Variants in RHCE observed in about 807,000 individuals in gnomAD.
The protein encoded by RHCE is Rh blood group CcEe antigens.
A neutral mutation model predicts 43.8 loss-of-function variants in RHCE; 22 were observed. That is an observed-to-expected ratio of 0.50 (90% CI 0.36 to 0.72). The LOEUF (loss-of-function observed/expected upper bound fraction) is 0.72. Ranked by LOEUF, RHCE falls within the 30% of genes least tolerant of loss-of-function variation. RHCE has a pLI of 0.00. For missense variants in RHCE, 385 were observed against 525.4 expected (o/e 0.73, Z 2.61); for synonymous variants, 156 against 210.7 (o/e 0.74, Z 2.25).
At chr1:25,419,125 T>C (rs1339559979) in intron 1 of RHCE, among the ~76,000 whole-genome samples, 1 of 152,184 alleles carries the variant, frequency 6.6e-6, no homozygotes, top group Non-Finnish European at 1.5e-5. Flanking sequence ...TTTCCTCATA[T>C]GAAAAACGAA....
intron 2 of RHCE, 102 bp downstream of exon 2, chr1:25,408,581 T>G (rs1226519254): frequency 4.8e-6 from 4 of 839,982 alleles, no homozygotes; most frequent in African/African-American, 4.5e-5. Context: ...ACAGCACTGG[T>G]GCTAGACAGA....
chr1:25,411,166 C>G (rs1264926542), intron 1 of RHCE, among the ~76,000 whole-genome samples: 2 of 151,652 alleles, frequency 1.3e-5, no homozygotes, highest in South Asian at 4.1e-4. Flanking sequence ...CTGTGGTCTT[C>G]TAAGTTGCTT....
At chr1:25,387,945 T>C (rs1045514924) in intron 6 of RHCE, among the ~76,000 whole-genome samples, 2 of 152,118 alleles carry the variant, frequency 1.3e-5, no homozygotes, top group Non-Finnish European at 2.9e-5. Flanking sequence ...CTCAGCCTCC[T>C]GAGTAGCTAA....
chr1:25,416,799 T>G (rs1345490897), intron 1 of RHCE, among the ~76,000 whole-genome samples: 1 of 129,358 alleles, frequency 7.7e-6, no homozygotes, highest in Non-Finnish European at 1.6e-5. Flanking sequence ...ACAGTTTTTT[T>G]TTTTTTTTTT....
rs1485155187 is a variant in RHCE, at chr1:25,405,957, C to T, written c.335+2726G>A. Among the ~76,000 whole-genome samples, 5 of 122,848 alleles carry T rather than the reference C, an allele frequency of 4.1e-5. 1 individual carries two copies. Among genetic ancestry groups the T allele is most frequent in the Non-Finnish European group, 1.9e-5 (1 of 53,798 alleles). 80.6% of individuals were successfully genotyped at this position (122,848 alleles called of 152,430 possible). On this transcript the variant is annotated intron_variant, in intron 2 of 9. Transcript: ENST00000294413. ...AAGGAGCCAGTTTCAGCAGGGGTCA[C>T]CCCTAGGGGGATCCAAGCAGTCAGG...
chr1:25,412,715 TAAAAAAAAAAAAAAAAA>T (rs1165784820), intron 1 of RHCE, among the ~76,000 whole-genome samples: 1 of 116,578 alleles, frequency 8.6e-6, no homozygotes, highest in Non-Finnish European at 1.7e-5. Flanking sequence ...ACCCTTTTTT[TAAAAAAAAAAAAAAAAA>T]AAAAAAAAAA....
At chr1:25,390,039 C>G (rs1646307141) in intron 5 of RHCE, among the ~76,000 whole-genome samples, 1 of 152,062 alleles carries the variant, frequency 6.6e-6, no homozygotes, top group Admixed American at 6.5e-5. Flanking sequence ...CTCCAGCCCC[C>G]CCAGTGCCTC....
chr1:25,410,753 T>G (rs1440415173), intron 1 of RHCE, among the ~76,000 whole-genome samples: 1 of 152,166 alleles, frequency 6.6e-6, no homozygotes, highest in Admixed American at 6.5e-5. Context: ...TGAGTTCACA[T>G]AGCTCTGTTC....
chr1:25,430,037 G>T, exon 1 of RHCE: 1 of 151,994 alleles, frequency 6.6e-6, no homozygotes, highest in South Asian at 2.1e-4. Context: ...CGGACCCGCC[G>T]AGCAGGCTCC....
intron 2 of RHCE, among the ~76,000 whole-genome samples, chr1:25,427,191 T>C (rs901036993): frequency 2.0e-5 from 3 of 152,186 alleles, no homozygotes; most frequent in African/African-American, 7.2e-5. Flanking sequence ...CTTGCGGGGA[T>C]TGAACGGGCT....
chr1:25,375,960 T>G (rs1645774220), intron 7 of RHCE, among the ~76,000 whole-genome samples: 1 of 151,426 alleles, frequency 6.6e-6, no homozygotes, highest in Non-Finnish European at 1.5e-5. Flanking sequence ...CTGGATAATT[T>G]TTGTATTATT....
intron 1 of RHCE, among the ~76,000 whole-genome samples, chr1:25,418,347 T>TTTG (rs971021662): frequency 3.3e-5 from 5 of 150,924 alleles, no homozygotes; most frequent in South Asian, 2.1e-4. Flanking sequence ...CTCTTTGTTT[T>TTTG]TTGTTGTTGT....
intron 2 of RHCE, among the ~76,000 whole-genome samples, chr1:25,427,697 C>G (rs1473539523): frequency 6.6e-6 from 1 of 152,268 alleles, no homozygotes; most frequent in East Asian, 1.9e-4. Context: ...CACCCCAACT[C>G]TACCCATCAA....
intron 7 of RHCE, among the ~76,000 whole-genome samples, chr1:25,382,456 T>A (rs1646029758): frequency 6.8e-6 from 1 of 147,330 alleles, no homozygotes; most frequent in Non-Finnish European, 1.5e-5. Flanking sequence ...GTTGGGTTTT[T>A]TTTTTTAAGT....
intron 1 of RHCE, among the ~76,000 whole-genome samples, chr1:25,419,225 A>C (rs1223841515): frequency 6.6e-6 from 1 of 152,226 alleles, no homozygotes; most frequent in Admixed American, 6.5e-5. Flanking sequence ...AGTGCTCATA[A>C]ATATCAGTTC....
rs1489645464 is a variant in RHCE at position 25,402,668 on chromosome 1, C to G, written c.414G>C (p.Gln138His). 1 of 1,614,156 alleles carries G rather than the reference C, an allele frequency of 6.2e-7. No homozygotes were observed. The highest frequency in any genetic ancestry group is 1.3e-5 in the African/African-American group (1 of 75,014). The change falls in exon 3 of 10, where the codon CAG becomes CAC. Residue 138 changes from glutamine to histidine, a missense_variant. Gln to His is a conservative substitution (Grantham distance 24, BLOSUM62 0). Transcript: ENST00000294413. ...GAVLGKVNLA[Q>H]LVVMVLVEVT... The stretch of plus-strand genomic sequence containing the variant: ...CCTCCACCAGCACCATCACCACCAA[C>G]TGCGCCAAGTTGACCTTCCCCAAGA...
At chr1:25,391,970 C>G in intron 4 of RHCE, 24 bp downstream of exon 4, 1 of 1,613,046 alleles carries the variant, frequency 6.2e-7, no homozygotes, top group Non-Finnish European at 8.5e-7. Flanking sequence ...AAGTATGAGA[C>G]CACTCACCCC....
intron 2 of RHCE, among the ~76,000 whole-genome samples, chr1:25,405,132 C>T (rs1646876778): frequency 6.6e-6 from 1 of 150,956 alleles, no homozygotes; most frequent in African/African-American, 2.4e-5. Flanking sequence ...CCGAGGTGGG[C>T]AGATCACTTG....
chr1:25,386,212 T>G (rs895007770), intron 6 of RHCE, among the ~76,000 whole-genome samples: 2 of 152,182 alleles, frequency 1.3e-5, no homozygotes, highest in Admixed American at 6.5e-5. Context: ...ATGTTAAGCA[T>G]CATTCCTGGT....
Sources: allele counts gnomAD v4.1 joint callset (sites outside exome capture counted in the v4.1 genomes callset), GRCh38; gene constraint gnomAD v4.1.1; transcripts MANE v1.5; gene names NCBI Gene and HGNC (gene_info 2026-07-23, HGNC 2026-07-21).